DPP6: variants seen among roughly 807,000 people sequenced by gnomAD.
DPP6 encodes A-type potassium channel modulatory protein DPP6.
A neutral mutation model predicts 122.6 loss-of-function variants in DPP6; 69 were observed. That is an observed-to-expected ratio of 0.56 (90% CI 0.46 to 0.69). The LOEUF is 0.69. Among genes scored for constraint, DPP6 ranks in the 30% least tolerant of loss-of-function variants. The pLI, the probability that DPP6 is intolerant of heterozygous loss-of-function variation, is 0.00. For missense variants in DPP6, 928 were observed against 1,116.9 expected (o/e 0.83, Z 2.41); for synonymous variants, 418 against 433.1 (o/e 0.97, Z 0.43).
intron 1 of DPP6, among the ~76,000 whole-genome samples, chr7:154,165,755 C>A (rs1035952297): frequency 3.3e-5 from 5 of 152,082 alleles, no homozygotes; most frequent in Admixed American, 1.3e-4. Context: ...CTCTGATGGC[C>A]AGTGATGATG....
intron 1 of DPP6, among the ~76,000 whole-genome samples, chr7:154,186,655 C>G (rs1563292669): frequency 6.6e-6 from 1 of 152,164 alleles, no homozygotes; most frequent in East Asian, 1.9e-4. Flanking sequence ...GAGCAGACAC[C>G]CAGGGTTTCA....
intron 1 of DPP6, among the ~76,000 whole-genome samples, chr7:154,354,819 A>G (rs948563644): frequency 6.6e-6 from 1 of 152,206 alleles, no homozygotes; most frequent in Non-Finnish European, 1.5e-5. Context: ...AGACTTGATC[A>G]TTATGCACAA....
At chr7:153,764,418 G>A in the DPP6 span, among the ~76,000 whole-genome samples, 1 of 151,854 alleles carries the variant, frequency 6.6e-6, no homozygotes, top group Non-Finnish European at 1.5e-5. Flanking sequence ...GTCCTCCCTG[G>A]CATGTTCCTC....
At chr7:154,184,977 C>T (rs1333317341) in intron 1 of DPP6, among the ~76,000 whole-genome samples, 1 of 152,150 alleles carries the variant, frequency 6.6e-6, no homozygotes, top group East Asian at 1.9e-4. Flanking sequence ...ATCTTAGCCT[C>T]TGGGAGCCGA....
intron 6 of DPP6, among the ~76,000 whole-genome samples, chr7:154,646,765 A>T (rs555647421): frequency 6.6e-6 from 1 of 152,278 alleles, no homozygotes; most frequent in Non-Finnish European, 1.5e-5. Flanking sequence ...GCACAGGGTG[A>T]CACTGTGACT....
chr7:154,575,814 AGT>A (rs1420169595), intron 5 of DPP6, among the ~76,000 whole-genome samples: 1 of 145,940 alleles, frequency 6.9e-6, no homozygotes, highest in African/African-American at 2.5e-5. Context: ...TTGTGTGTGT[AGT>A]GTGTGTGTGT....
At chr7:154,420,478 T>C (rs1179257277) in intron 1 of DPP6, among the ~76,000 whole-genome samples, 4 of 151,938 alleles carry the variant, frequency 2.6e-5, no homozygotes, top group Non-Finnish European at 5.9e-5. Context: ...AAGGAGAGAA[T>C]AGAATTGTGG....
chr7:154,574,517 G>C (rs1427491283), intron 5 of DPP6, among the ~76,000 whole-genome samples: 1 of 129,182 alleles, frequency 7.7e-6, no homozygotes, highest in Non-Finnish European at 1.7e-5. Flanking sequence ...TGTGTGGTGT[G>C]GTGTATATGT....
At chr7:154,716,702 T>TC (rs1841504604) in intron 7 of DPP6, among the ~76,000 whole-genome samples, 1 of 150,744 alleles carries the variant, frequency 6.6e-6, no homozygotes, top group East Asian at 1.9e-4. Flanking sequence ...CATTTTTTTT[T>TC]TCTCCTGAAT....
At chr7:154,853,030 A>G (rs1049001982) in intron 16 of DPP6, among the ~76,000 whole-genome samples, 7 of 152,244 alleles carry the variant, frequency 4.6e-5, no homozygotes, top group Non-Finnish European at 1.0e-4. Flanking sequence ...TGCAGAGGAC[A>G]GTGGCTAAAG....
upstream of DPP6, among the ~76,000 whole-genome samples, chr7:153,885,185 A>T (rs555525930): frequency 6.6e-6 from 1 of 151,830 alleles, no homozygotes; most frequent in Non-Finnish European, 1.5e-5. Context: ...GAACCATATT[A>T]ACCCTGCTTA....
At chr7:153,781,913 CTA>C in the DPP6 span, among the ~76,000 whole-genome samples, 1 of 149,338 alleles carries the variant, frequency 6.7e-6, no homozygotes, top group African/African-American at 2.5e-5. Flanking sequence ...TGATTATTAA[CTA>C]TTTTAAATTT....
chr7:153,907,143 C>T (rs1799885298), intron 1 of DPP6, among the ~76,000 whole-genome samples: 1 of 152,200 alleles, frequency 6.6e-6, no homozygotes, highest in Non-Finnish European at 1.5e-5. Flanking sequence ...ATTCCCTTTT[C>T]TCTGCATCCT....
chr7:154,230,135 A>G (rs976699026), intron 1 of DPP6, among the ~76,000 whole-genome samples: 2 of 151,576 alleles, frequency 1.3e-5, no homozygotes, highest in African/African-American at 2.4e-5. Context: ...CCTCCTCCGC[A>G]CCCTCCTCCA....
In DPP6 at chr7:154,349,742, C is replaced by T. The variant is rs186616899; in HGVS notation, c.244-96472C>T. Among the ~76,000 whole-genome samples, 207 of 152,206 alleles carry T rather than the reference C, an allele frequency of 1.4e-3. 2 individuals carry two copies. The highest frequency in any genetic ancestry group is 8.1e-4 in the Non-Finnish European group (55 of 68,024). ...GAGTAAGTGTGCAGCACATCCAAAC[C>T]GGACCTTCTATGGCTTTAATACTTC... On this transcript the variant is annotated intron_variant, in intron 1 of 25. Coordinates refer to ENST00000377770, the MANE Select transcript of DPP6 (RefSeq NM_130797.4).
In DPP6 at chr7:154,513,077, C is replaced by T. The variant is rs1250055967; in HGVS notation, c.458-27455C>T. On this transcript the variant is annotated intron_variant, in intron 3 of 25. Coordinates refer to ENST00000377770, the MANE Select transcript of DPP6 (RefSeq NM_130797.4). The stretch of plus-strand genomic sequence containing the variant: ...ATCTAAAAGTGTGACACCCCAAATA[C>T]ACTAGTTCTTTCATTATTTTCTTCT... Among the ~76,000 whole-genome samples, 6 of 152,142 alleles carry T rather than the reference C, an allele frequency of 3.9e-5. No homozygotes were observed. The East Asian group carries it at 9.6e-4, about 24-fold the overall frequency.
chr7:154,028,801 C>T (rs1416171303), intron 1 of DPP6, among the ~76,000 whole-genome samples: 1 of 152,124 alleles, frequency 6.6e-6, no homozygotes, highest in Non-Finnish European at 1.5e-5. Flanking sequence ...TTAACTCCCT[C>T]GTCTGCATCC....
intron 1 of DPP6, among the ~76,000 whole-genome samples, chr7:154,218,633 T>C (rs1800135914): frequency 6.6e-6 from 1 of 152,228 alleles, no homozygotes; most frequent in Non-Finnish European, 1.5e-5. Flanking sequence ...GTCTGCAGCT[T>C]TGCACTAAGA....
intron 16 of DPP6, among the ~76,000 whole-genome samples, chr7:154,816,253 ATAT>A (rs777974705): frequency 7.2e-5 from 11 of 152,200 alleles, no homozygotes; most frequent in Non-Finnish European, 1.2e-4. Context: ...TGCTCTGAAA[ATAT>A]TATAAACAAT....
Sources: allele counts gnomAD v4.1 joint callset (sites outside exome capture counted in the v4.1 genomes callset), GRCh38; gene constraint gnomAD v4.1.1; transcripts MANE v1.5; gene names NCBI Gene and HGNC (gene_info 2026-07-23, HGNC 2026-07-21).